The following AFG1L variants were observed in gnomAD, a reference collection of about 807,000 sequenced individuals.
The protein encoded by AFG1L is AFG1 like ATPase.
A neutral mutation model predicts 62.2 loss-of-function variants in AFG1L; 53 were observed. That is an observed-to-expected ratio of 0.85 (90% CI 0.68 to 1.07). The LOEUF (loss-of-function observed/expected upper bound fraction) is 1.07. AFG1L is among the 50% of genes least tolerant of loss of function. The pLI is 0.00. For synonymous variants in AFG1L, 228 were observed against 210.3 expected (o/e 1.08, Z -0.73); for missense variants, 555 against 590.5 (o/e 0.94, Z 0.62).
intron 1 of AFG1L, among the ~76,000 whole-genome samples, chr6:108,297,362 C>T (rs987939502): frequency 2.6e-5 from 4 of 152,106 alleles, no homozygotes; most frequent in Admixed American, 6.5e-5. Flanking sequence ...GAGCCTCGGC[C>T]CCCCAAAATG....
intron 10 of AFG1L, among the ~76,000 whole-genome samples, chr6:108,493,835 ATCT>A (rs1773861348): frequency 6.6e-6 from 1 of 151,846 alleles, no homozygotes; most frequent in African/African-American, 2.4e-5. Flanking sequence ...CTACTTCTTC[ATCT>A]TCTTTTTCTT....
At chr6:108,301,980 CTGT>C (rs1270525623) in intron 1 of AFG1L, among the ~76,000 whole-genome samples, 1 of 147,384 alleles carries the variant, frequency 6.8e-6, no homozygotes, top group Non-Finnish European at 1.5e-5. Flanking sequence ...GAATCTCGTT[CTGT>C]TGCCCAGGCT....
chr6:108,358,438 A>G (rs1197113536), intron 5 of AFG1L, among the ~76,000 whole-genome samples: 1 of 152,252 alleles, frequency 6.6e-6, no homozygotes, highest in Non-Finnish European at 1.5e-5. Flanking sequence ...ATCTAAAGGC[A>G]TTAGAATTTC....
chr6:108,520,738 A>G (rs1775094128), intron 12 of AFG1L: 1 of 152,250 alleles, frequency 6.6e-6, no homozygotes, highest in African/African-American at 2.4e-5. Context: ...TGCTATAACA[A>G]AACACCATGA....
At position 108,522,497 on chromosome 6, in the gene AFG1L, A is replaced by G. The variant is rs1775163602; in HGVS notation, c.*72A>G. 1 of 1,495,416 alleles carries G rather than the reference A, an allele frequency of 6.7e-7. No individual in the cohort carries two copies. The allele number at this position is 1,495,416 out of a possible 1,614,324, so 92.6% of individuals were successfully genotyped here. ...GCAGAACTCCTTATTGTGGGACTTG[A>G]AGGAATCATTTTCTCATCATTAATT... On this transcript the variant is annotated 3_prime_UTR_variant, in exon 13 of 13. Coordinates refer to ENST00000368977, the MANE Select transcript of AFG1L (RefSeq NM_145315.5).
At chr6:108,508,189 C>T (rs1774496954) in intron 10 of AFG1L, among the ~76,000 whole-genome samples, 1 of 152,192 alleles carries the variant, frequency 6.6e-6, no homozygotes, top group Non-Finnish European at 1.5e-5. Flanking sequence ...TAAGTAGCAA[C>T]TGAGGAGTCA....
intron 10 of AFG1L, among the ~76,000 whole-genome samples, chr6:108,496,792 A>G (rs1773989480): frequency 1.3e-5 from 2 of 152,230 alleles, no homozygotes; most frequent in Non-Finnish European, 2.9e-5. Context: ...TTTAGAAATA[A>G]CAAGTAACAT....
intron 8 of AFG1L, among the ~76,000 whole-genome samples, chr6:108,449,232 G>C (rs184719649): frequency 2.3e-4 from 35 of 150,004 alleles, no homozygotes; most frequent in African/African-American, 8.1e-4. Context: ...CAGACATATA[G>C]ATATATATAG....
At chr6:108,381,120 A>G (rs1372869006) in intron 6 of AFG1L, among the ~76,000 whole-genome samples, 1 of 152,252 alleles carries the variant, frequency 6.6e-6, no homozygotes, top group Non-Finnish European at 1.5e-5. Context: ...CACTCATTTT[A>G]TATTTCATGG....
intron 6 of AFG1L, among the ~76,000 whole-genome samples, chr6:108,381,617 T>C (rs1780528651): frequency 6.6e-6 from 1 of 152,186 alleles, no homozygotes; most frequent in Non-Finnish European, 1.5e-5. Context: ...TCAGAATAGC[T>C]AGAAACAAAA....
intron 7 of AFG1L, among the ~76,000 whole-genome samples, chr6:108,429,593 G>A (rs1040576412): frequency 2.6e-5 from 4 of 152,104 alleles, no homozygotes; most frequent in Non-Finnish European, 4.4e-5. Context: ...GTAAGCATTT[G>A]GCTTTATTTT....
intron 6 of AFG1L, among the ~76,000 whole-genome samples, chr6:108,391,129 T>C (rs1781039380): frequency 6.6e-6 from 1 of 152,198 alleles, no homozygotes; most frequent in African/African-American, 2.4e-5. Flanking sequence ...TCTGGGTAGA[T>C]ATCCAAGAGT....
chr6:108,358,026 AAAGGTCTTCC>A (rs1305696031), intron 5 of AFG1L, among the ~76,000 whole-genome samples: 48 of 152,230 alleles, frequency 3.2e-4, no homozygotes, highest in Non-Finnish European at 2.9e-4. Flanking sequence ...TTGGAACTGC[AAAGGTCTTCC>A]AAGTAAAGGC....
chr6:108,313,888 T>C (rs1367709027), intron 1 of AFG1L, among the ~76,000 whole-genome samples: 1 of 152,138 alleles, frequency 6.6e-6, no homozygotes, highest in Non-Finnish European at 1.5e-5. Flanking sequence ...TAATTTCTAC[T>C]TCCACATAAA....
At chr6:108,374,403 T>G (rs1279085786) in intron 6 of AFG1L, among the ~76,000 whole-genome samples, 1 of 152,202 alleles carries the variant, frequency 6.6e-6, no homozygotes, top group Non-Finnish European at 1.5e-5. Context: ...AGTAATAAAT[T>G]GTTTCCCAAG....
intron 7 of AFG1L, among the ~76,000 whole-genome samples, chr6:108,428,153 T>G (rs895962105): frequency 1.4e-4 from 21 of 152,248 alleles, no homozygotes; most frequent in African/African-American, 4.8e-4. Context: ...TGTCTATGCT[T>G]TGCATGCTGA....
rs1554270734 is a variant in AFG1L at position 108,330,185 on chromosome 6, T to TTA, written c.363+6138_363+6139insAT. On this transcript the variant is annotated intron_variant, in intron 2 of 12. Transcript: ENST00000368977. ...GTAAGAAATAAATTCCTTTTTTATTTTTTTTTTTTTTTTGCGACTGAGTCT... is the reference window on the plus strand; with the variant it reads ...GTAAGAAATAAATTCCTTTTTTATTTTATTTTTTTTTTTTTGCGACTGAGTCT... Among the ~76,000 whole-genome samples, 91 of 143,962 alleles carry TTA rather than the reference T, an allele frequency of 6.3e-4. 1 individual carries two copies. The highest frequency in any genetic ancestry group is 9.0e-4 in the Non-Finnish European group (58 of 64,134). The allele number at this position is 143,962 out of a possible 152,430, so 94.4% of individuals were successfully genotyped here. A position where few individuals can be genotyped will look rare whatever the true frequency, so the allele number is the denominator to read the frequency against.
At chr6:108,447,689 T>G (rs927316715) in intron 8 of AFG1L, among the ~76,000 whole-genome samples, 2 of 152,216 alleles carry the variant, frequency 1.3e-5, no homozygotes, top group Admixed American at 1.3e-4. Context: ...AATCTGTTTG[T>G]ATTTATCATT....
chr6:108,473,218 A>G (rs973926536), intron 8 of AFG1L, among the ~76,000 whole-genome samples: 7 of 152,246 alleles, frequency 4.6e-5, no homozygotes, highest in African/African-American at 1.4e-4. Context: ...TAATTTCACT[A>G]TATAGAAAAT....
Sources: gnomAD v4.1 joint callset for allele counts (sites outside exome capture counted in the v4.1 genomes callset) on GRCh38, gnomAD v4.1.1 for gene constraint, MANE v1.5 for transcripts, NCBI Gene and HGNC (gene_info 2026-07-23, HGNC 2026-07-21) for gene names.